Variants in DPP10 observed in about 807,000 individuals in gnomAD.
The protein encoded by DPP10 is inactive dipeptidyl peptidase 10.
In DPP10, 33 loss-of-function variants were observed where a neutral mutation model predicts 120.9. That is an observed-to-expected ratio of 0.27 (90% CI 0.21 to 0.37). The LOEUF (loss-of-function observed/expected upper bound fraction) is 0.37. DPP10 is among the 10% of genes least tolerant of loss of function. The pLI is 1.00. For synonymous variants in DPP10, 337 were observed against 326.1 expected (o/e 1.03, Z -0.36); for missense variants, 816 against 942.8 (o/e 0.87, Z 1.76).
intron 1 of DPP10, among the ~76,000 whole-genome samples, chr2:114,945,165 A>G (rs761793538): frequency 8.5e-5 from 13 of 152,228 alleles, no homozygotes; most frequent in Non-Finnish European, 1.5e-4. Flanking sequence ...CAGAAAATCT[A>G]TGTAAATTTG....
At chr2:114,712,469 T>C (rs1701086849) in intron 1 of DPP10, among the ~76,000 whole-genome samples, 1 of 152,182 alleles carries the variant, frequency 6.6e-6, no homozygotes, top group African/African-American at 2.4e-5. Context: ...TAAATCACAC[T>C]AGACATGAGG....
At chr2:115,097,386 A>G (rs1253311133) in intron 1 of DPP10, among the ~76,000 whole-genome samples, 1 of 152,120 alleles carries the variant, frequency 6.6e-6, no homozygotes, top group African/African-American at 2.4e-5. Context: ...TTCAAAGGAG[A>G]TTAGAAATAT....
At chr2:114,446,535 T>C (rs1047750672) in intron 1 of DPP10, among the ~76,000 whole-genome samples, 6 of 152,204 alleles carry the variant, frequency 3.9e-5, no homozygotes, top group Non-Finnish European at 8.8e-5. Flanking sequence ...CTTTCCTTTT[T>C]ACAAGACCTG....
At chr2:115,439,566 T>A (rs550169554) in intron 3 of DPP10, among the ~76,000 whole-genome samples, 22 of 152,294 alleles carry the variant, frequency 1.4e-4, no homozygotes, top group African/African-American at 5.3e-4. Context: ...ATTTCAGAAA[T>A]TTTTGCTAAA....
At chr2:115,249,120 A>G (rs531709117) in intron 1 of DPP10, among the ~76,000 whole-genome samples, 1 of 152,284 alleles carries the variant, frequency 6.6e-6, no homozygotes, top group Non-Finnish European at 1.5e-5. Context: ...CAGAGAATAG[A>G]TAGCTTTTCA....
chr2:114,505,900 CA>C (rs1683614007), intron 1 of DPP10, among the ~76,000 whole-genome samples: 1 of 152,200 alleles, frequency 6.6e-6, no homozygotes, highest in Admixed American at 6.5e-5. Context: ...TTTTTCTGAG[CA>C]ATTACATAGC....
At position 115,585,877 on chromosome 2, in the gene DPP10, G is replaced by A. The variant is rs1279947089; in HGVS notation, c.441+59905G>A. On this transcript the variant is annotated intron_variant, in intron 5 of 25. Coordinates refer to ENST00000410059, the MANE Select transcript of DPP10 (RefSeq NM_020868.6). The stretch of plus-strand genomic sequence containing the variant: ...TTTTTTTGCTTATTTTCTATTTAAC[G>A]TATATCCTGGAAATTGCCATAGCAA... Among the ~76,000 whole-genome samples, 6 of 152,086 alleles carry A rather than the reference G, an allele frequency of 3.9e-5. 1 individual carries two copies. The highest frequency in any genetic ancestry group is 4.2e-4 in the South Asian group (2 of 4,818).
Position 115,445,461 on chromosome 2 carries a change from T to C in DPP10, c.272-54049T>C, listed in dbSNP as rs1170814529. Among the ~76,000 whole-genome samples the C allele has an allele frequency of 2.0e-5, 3 of 152,244 alleles. No individual in the cohort carries two copies. In the South Asian group the frequency reaches 6.2e-4, roughly 32 times the overall value. Reference sequence around the variant, plus strand: ...AAAATGGTGATAGTGATGTGGACAATGAAGTCCAGGCTGAGGTGATCTTAG... The same window carrying C: ...AAAATGGTGATAGTGATGTGGACAACGAAGTCCAGGCTGAGGTGATCTTAG... On this transcript the variant is annotated intron_variant, in intron 3 of 25. Coordinates refer to ENST00000410059, the MANE Select transcript of DPP10 (RefSeq NM_020868.6).
intron 1 of DPP10, among the ~76,000 whole-genome samples, chr2:114,850,565 T>A (rs1372015661): frequency 6.6e-6 from 1 of 152,148 alleles, no homozygotes; most frequent in Non-Finnish European, 1.5e-5. Context: ...TCTTTTTTTT[T>A]AATAATCTGC....
intron 1 of DPP10, among the ~76,000 whole-genome samples, chr2:115,109,078 G>A (rs1012273955): frequency 8.5e-5 from 13 of 152,100 alleles, no homozygotes; most frequent in Admixed American, 1.3e-4. Context: ...GGGATTTGGC[G>A]TGTGTGTGTC....
chr2:114,902,682 G>T (rs1384678136), intron 1 of DPP10, among the ~76,000 whole-genome samples: 1 of 152,136 alleles, frequency 6.6e-6, no homozygotes, highest in African/African-American at 2.4e-5. Flanking sequence ...GCAAAATTAA[G>T]AAAGTACAGA....
At chr2:115,218,576 C>G (rs1228140523) in intron 1 of DPP10, among the ~76,000 whole-genome samples, 1 of 152,062 alleles carries the variant, frequency 6.6e-6, no homozygotes, top group African/African-American at 2.4e-5. Context: ...CAACAAGATC[C>G]TGTTCCATTC....
At chr2:115,782,424 G>T (rs761136322) in intron 17 of DPP10, 25 bp downstream of exon 17, 7 of 1,599,600 alleles carry the variant, frequency 4.4e-6, no homozygotes, top group Non-Finnish European at 4.3e-6. Flanking sequence ...AGACAATTAA[G>T]AATAGTTATG....
chr2:115,477,614 A>T (rs924103278), intron 3 of DPP10, among the ~76,000 whole-genome samples: 2 of 152,204 alleles, frequency 1.3e-5, no homozygotes, highest in Non-Finnish European at 2.9e-5. Context: ...CCTTATAAAA[A>T]TCCCAATGAT....
chr2:115,760,190 T>C (rs35447438), intron 11 of DPP10, among the ~76,000 whole-genome samples: 12,984 of 151,902 alleles, frequency 0.085, 609 homozygotes, highest in South Asian at 0.13. Flanking sequence ...TAACAGGAAA[T>C]AGACTTTAAA....
At chr2:114,861,835 C>T (rs1689830616) in intron 1 of DPP10, among the ~76,000 whole-genome samples, 1 of 152,134 alleles carries the variant, frequency 6.6e-6, no homozygotes, top group African/African-American at 2.4e-5. Flanking sequence ...TAATGGCCAA[C>T]TTTCTGTGGT....
At chr2:114,965,972 A>AG (rs1326830940) in intron 1 of DPP10, among the ~76,000 whole-genome samples, 1 of 148,732 alleles carries the variant, frequency 6.7e-6, no homozygotes, top group Non-Finnish European at 1.5e-5. Context: ...CTCAAAAAAA[A>AG]AAAAAAAAAA....
intron 1 of DPP10, among the ~76,000 whole-genome samples, chr2:114,943,602 A>G (rs980081751): frequency 6.6e-6 from 1 of 152,076 alleles, no homozygotes; most frequent in African/African-American, 2.4e-5. Context: ...CCAGTCTATC[A>G]TTGATGGTCA....
At chr2:115,727,643 C>T (rs942402877) in intron 7 of DPP10, among the ~76,000 whole-genome samples, 173 bp from the exon 8 acceptor site, 4 of 152,020 alleles carry the variant, frequency 2.6e-5, no homozygotes, top group Admixed American at 2.0e-4. Context: ...TACAATAAAA[C>T]AGAAAAAGCC....
Sources: allele counts gnomAD v4.1 joint callset (sites outside exome capture counted in the v4.1 genomes callset), GRCh38; gene constraint gnomAD v4.1.1; transcripts MANE v1.5; gene names NCBI Gene and HGNC (gene_info 2026-07-23, HGNC 2026-07-21).